The following ZNF536 variants were observed in gnomAD, a reference collection of about 807,000 sequenced individuals.
ZNF536 encodes zinc finger protein 536.
Under a neutral mutation model 84.5 loss-of-function variants are expected in ZNF536, and 13 were observed. That is an observed-to-expected ratio of 0.15 (90% confidence interval 0.10 to 0.24). ZNF536 has a LOEUF of 0.24. Among genes scored for constraint, ZNF536 ranks in the 10% least tolerant of loss-of-function variants. ZNF536 has a pLI of 1.00. For synonymous variants in ZNF536, 811 were observed against 742.5 expected, an observed-to-expected ratio of 1.09 and a Z score of -1.50; for missense variants, 1,536 against 1,747.5, an observed-to-expected ratio of 0.88 and a Z score of 2.16.
chr19:30,361,624 T>C (rs1296685976), intron 3 of ZNF536, among the ~76,000 whole-genome samples: 1 of 152,134 alleles, frequency 6.6e-6, no homozygotes, highest in Admixed American at 6.5e-5. Flanking sequence ...GAGGTCTTTC[T>C]CTTTGTGCCA....
rs768594524 is a variant in ZNF536, at chr19:30,228,627, C to G, written c.-236C>G. Reference sequence around the variant, plus strand: ...TTTCTCCCTGAAACTTGTTTGAAAACCCAAGTGAAAACCGCGACGATCTGC... The same window carrying G: ...TTTCTCCCTGAAACTTGTTTGAAAAGCCAAGTGAAAACCGCGACGATCTGC... On this transcript the variant is annotated 5_prime_UTR_variant, in exon 1 of 6. Coordinates refer to the ZNF536 transcript ENST00000585628. The surrounding 1 kb of genome is among the most constrained non-coding windows in gnomAD (Gnocchi z 4.5). The G allele has an allele frequency of 2.0e-5, 3 of 151,620 alleles. No individual in the cohort carries two copies. Among genetic ancestry groups the G allele is most frequent in the Non-Finnish European group, 2.9e-5 (2 of 67,920 alleles). 9.4% of individuals were successfully genotyped at this position (151,620 alleles called of 1,614,324 possible). A position where few individuals can be genotyped will look rare whatever the true frequency, so the allele number is the denominator to read the frequency against.
At chr19:30,503,157 A>G (rs1191898450) in intron 2 of ZNF536, among the ~76,000 whole-genome samples, 1 of 146,082 alleles carries the variant, frequency 6.8e-6, no homozygotes, top group African/African-American at 2.5e-5. Flanking sequence ...GCATGTGTGT[A>G]TGCACACACA....
rs201009809 is a variant in ZNF536 at position 30,700,230 on chromosome 19, TTCTTTCTTTCTCTC to T, written c.170-10523_170-10510del. 3.9e-3 allele frequency among the ~76,000 whole-genome samples: 513 copies of T among 132,804 alleles called. 4 individuals carry two copies. The highest frequency in any genetic ancestry group is 0.015 in the East Asian group (59 of 4,038). 87.1% of individuals were successfully genotyped at this position (132,804 alleles called of 152,430 possible). A position where few individuals can be genotyped will look rare whatever the true frequency, so the allele number is the denominator to read the frequency against. On this transcript the variant is annotated intron_variant, in intron 1 of 1. Coordinates refer to the ZNF536 transcript ENST00000592773. ...TTTCTTTCCTTCTTTCTTTCTTTCTTTCTTTCTTTCTCTCTCTCTCTCTCTTTCTTTCTTTCTCT... is the reference window on the plus strand; with the variant it reads ...TTTCTTTCCTTCTTTCTTTCTTTCTTTCTCTCTCTCTTTCTTTCTTTCTCT...
At chr19:30,621,807 A>T (rs548701305) in intron 1 of ZNF536, among the ~76,000 whole-genome samples, 4 of 152,156 alleles carry the variant, frequency 2.6e-5, no homozygotes, top group Non-Finnish European at 5.9e-5. Flanking sequence ...GAGGCCGGGA[A>T]CCTCACAGCG....
chr19:30,242,682 G>C (rs7249850), intron 1 of ZNF536, among the ~76,000 whole-genome samples: 2 of 151,912 alleles, frequency 1.3e-5, no homozygotes, highest in South Asian at 2.1e-4. Context: ...TATCCCTTTC[G>C]AGAGAGGGAC....
intron 1 of ZNF536, among the ~76,000 whole-genome samples, chr19:30,696,421 C>A (rs1285453675): frequency 1.3e-5 from 2 of 152,140 alleles, no homozygotes; most frequent in African/African-American, 4.8e-5. Context: ...TATTACACAT[C>A]GAAAAATCTT....
intron 2 of ZNF536, among the ~76,000 whole-genome samples, chr19:30,491,367 T>G (rs2054502063): frequency 6.6e-6 from 1 of 152,198 alleles, no homozygotes; most frequent in Admixed American, 6.5e-5. Flanking sequence ...TTTGTCTTCC[T>G]GGAGTGCGTG....
intron 2 of ZNF536, among the ~76,000 whole-genome samples, chr19:30,324,991 CAA>C (rs1411431449): frequency 6.6e-6 from 1 of 152,178 alleles, no homozygotes; most frequent in Non-Finnish European, 1.5e-5. Flanking sequence ...CACCCTCACC[CAA>C]AGTCATACAA....
chr19:30,306,190 ATTTTTTTTTT>A lies in ZNF536; in HGVS notation c.-120+22059_-120+22068del, dbSNP rs201822113. 8.3e-3 allele frequency among the ~76,000 whole-genome samples: 1,099 copies of A among 132,912 alleles called. 13 individuals carry two copies. Among genetic ancestry groups the A allele is most frequent in the African/African-American group, 0.03 (1,040 of 34,166 alleles). 87.2% of individuals were successfully genotyped at this position (132,912 alleles called of 152,430 possible). ...CCAGTGTGTGCATTCCCTGGAGAGA[ATTTTTTTTTT>A]TTTTTTTTTGTAAAGAGATGCTTGT... On this transcript the variant is annotated intron_variant, in intron 2 of 5. Coordinates refer to the ZNF536 transcript ENST00000585628.
At chr19:30,415,314 CCTTCTT>C (rs893357793) in intron 1 of ZNF536, among the ~76,000 whole-genome samples, 8 of 133,890 alleles carry the variant, frequency 6.0e-5, no homozygotes, top group African/African-American at 8.3e-5. Flanking sequence ...TTCTCCTTCT[CCTTCTT>C]CTTCTTCTTC....
intron 2 of ZNF536, among the ~76,000 whole-genome samples, chr19:30,284,439 C>T (rs1453834654): frequency 6.6e-6 from 1 of 152,212 alleles, no homozygotes; most frequent in Non-Finnish European, 1.5e-5. Flanking sequence ...CAGCCTGGAA[C>T]CAGGGCTGAG....
At chr19:30,357,286 G>A (rs1013129244) in intron 3 of ZNF536, among the ~76,000 whole-genome samples, 2 of 152,222 alleles carry the variant, frequency 1.3e-5, no homozygotes, top group Non-Finnish European at 2.9e-5. Context: ...GTTCTGGGAA[G>A]AGCATTGGAG....
intron 2 of ZNF536, chr19:30,296,065 G>C (rs545607149): frequency 6.6e-6 from 1 of 152,140 alleles, no homozygotes; most frequent in African/African-American, 2.4e-5. Flanking sequence ...CTGTGTACTG[G>C]GCTTCAAGCA....
At chr19:30,383,918 C>CCCTTT (rs1439488202) in intron 1 of ZNF536, among the ~76,000 whole-genome samples, 1 of 33,978 alleles carries the variant, frequency 2.9e-5, no homozygotes, top group African/African-American at 1.3e-4. Flanking sequence ...TTCTTCCTTT[C>CCCTTT]CCTTCCCTTC....
intron 1 of ZNF536, among the ~76,000 whole-genome samples, chr19:30,565,395 C>A (rs1035546793): frequency 1.3e-5 from 2 of 152,114 alleles, no homozygotes; most frequent in Non-Finnish European, 2.9e-5. Context: ...CCGAGCCTTG[C>A]CCCGGTGGGG....
At chr19:30,269,676 A>G (rs949833373) in intron 1 of ZNF536, among the ~76,000 whole-genome samples, 2 of 152,142 alleles carry the variant, frequency 1.3e-5, no homozygotes, top group Non-Finnish European at 2.9e-5. Context: ...CCTACTATGA[A>G]TATCTTCTGG....
intron 1 of ZNF536, among the ~76,000 whole-genome samples, chr19:30,663,172 T>C (rs2147608428): frequency 6.6e-6 from 1 of 152,258 alleles, no homozygotes; most frequent in East Asian, 1.9e-4. Context: ...TAATTTCCTG[T>C]CCATTCCTGC....
exon 2 of ZNF536, chr19:30,711,701 G>C (rs1271967189): frequency 6.6e-6 from 1 of 151,998 alleles, no homozygotes; most frequent in Non-Finnish European, 1.5e-5. Flanking sequence ...GTCCATTGCA[G>C]GTTTGATGAG....
At chr19:30,379,759 C>T (rs1368237255) in intron 1 of ZNF536, among the ~76,000 whole-genome samples, 4 of 151,920 alleles carry the variant, frequency 2.6e-5, no homozygotes, top group African/African-American at 9.7e-5. Context: ...CCACTGGCTG[C>T]AGGGGATGCT....
Sources: allele counts gnomAD v4.1 joint callset (sites outside exome capture counted in the v4.1 genomes callset), GRCh38; gene constraint gnomAD v4.1.1; non-coding constraint Gnocchi (gnomAD v3.1); transcripts MANE v1.5; gene names NCBI Gene and HGNC (gene_info 2026-07-23, HGNC 2026-07-21).